Variants in SERGEF observed in about 807,000 individuals in gnomAD.
SERGEF encodes the protein secretion-regulating guanine nucleotide exchange factor.
SERGEF carries 51 observed loss-of-function variants against 50.0 expected under a neutral mutation model. The observed-to-expected ratio is 1.02, with a 90% CI of 0.81 to 1.29. The LOEUF (loss-of-function observed/expected upper bound fraction) is 1.29. Ranked by LOEUF, SERGEF falls within the 50% of genes most tolerant of loss-of-function variation. SERGEF has a pLI of 0.00. For missense variants in SERGEF, 521 were observed against 557.0 expected, an observed-to-expected ratio of 0.94 and a Z score of 0.65; for synonymous variants, 205 against 212.4, an observed-to-expected ratio of 0.97 and a Z score of 0.30.
At chr11:17,885,460 T>G (rs1196489713) in intron 9 of SERGEF, among the ~76,000 whole-genome samples, 2 of 152,004 alleles carry the variant, frequency 1.3e-5, no homozygotes, top group Non-Finnish European at 2.9e-5. Flanking sequence ...TAGCGAGGAC[T>G]ACAGGTACAC....
chr11:17,944,481 T>C (rs1190723146), intron 9 of SERGEF, among the ~76,000 whole-genome samples: 4 of 152,258 alleles, frequency 2.6e-5, no homozygotes, highest in African/African-American at 7.2e-5. Flanking sequence ...TTAGTTGCTA[T>C]GTCTCTTTAG....
intron 10 of SERGEF, among the ~76,000 whole-genome samples, chr11:17,837,807 T>C (rs1477927317): frequency 6.6e-6 from 1 of 151,632 alleles, no homozygotes; most frequent in Non-Finnish European, 1.5e-5. Flanking sequence ...ATCACAGGTG[T>C]GTGCTGCCAC....
At chr11:17,807,482 C>T (rs1410041031) in intron 10 of SERGEF, among the ~76,000 whole-genome samples, 1 of 152,198 alleles carries the variant, frequency 6.6e-6, no homozygotes, top group Non-Finnish European at 1.5e-5. Context: ...GAAGCCAGGC[C>T]CTGGCTGTCT....
chr11:17,873,614 C>T (rs1851187987), intron 10 of SERGEF, among the ~76,000 whole-genome samples: 2 of 151,846 alleles, frequency 1.3e-5, no homozygotes, highest in African/African-American at 4.8e-5. Context: ...AAAAAAAAAT[C>T]CATGCATATA....
rs149368050 is a variant in SERGEF, at chr11:17,914,317, C to T, written c.1012-36073G>A. On this transcript the variant is annotated intron_variant, in intron 9 of 10. Coordinates refer to ENST00000265965, the MANE Select transcript of SERGEF (RefSeq NM_012139.4). ...ACATATTATCAGTACCTGAGGAGCT[C>T]TTACAAAATACTGATGCCTAAGCAT... 2.8e-3 allele frequency among the ~76,000 whole-genome samples: 419 copies of T among 152,326 alleles called. 1 individual carries two copies. Among genetic ancestry groups the T allele is most frequent in the African/African-American group, 9.3e-3 (387 of 41,582 alleles).
intron 8 of SERGEF, among the ~76,000 whole-genome samples, chr11:17,970,086 T>C (rs1853215386): frequency 1.3e-5 from 2 of 152,248 alleles, no homozygotes. Flanking sequence ...AGTATAGGCA[T>C]ACTTCACTTT....
At chr11:17,849,223 G>C (rs2133870426) in intron 10 of SERGEF, among the ~76,000 whole-genome samples, 1 of 152,250 alleles carries the variant, frequency 6.6e-6, no homozygotes, top group East Asian at 1.9e-4. Flanking sequence ...GCCAAGCTGA[G>C]CAAATCTTAC....
rs754824070 is a variant in SERGEF at position 17,844,404 on chromosome 11, C to T, written c.1048+33804G>A. On this transcript the variant is annotated intron_variant, in intron 10 of 10. Transcript: ENST00000265965. ...AAGACTAAAATTATCCATGGATACA[C>T]AGAACAGATATAGGTTTTCATAATT... is the stretch of plus-strand genomic sequence containing the variant. Among the ~76,000 whole-genome samples, 14 of 152,214 alleles carry T rather than the reference C, an allele frequency of 9.2e-5. No homozygotes were observed. In the South Asian group the frequency reaches 1.0e-3, roughly 11 times the overall value.
intron 7 of SERGEF, among the ~76,000 whole-genome samples, chr11:17,990,223 T>G (rs1185392672): frequency 6.6e-6 from 1 of 152,180 alleles, no homozygotes. Context: ...CAGTTCAAGT[T>G]CCATCTGTTA....
intron 10 of SERGEF, among the ~76,000 whole-genome samples, chr11:17,866,590 C>T (rs1343866613): frequency 2.6e-5 from 4 of 152,304 alleles, no homozygotes; most frequent in South Asian, 4.2e-4. Context: ...CTACAACCTC[C>T]GCCTCCCTGG....
intron 9 of SERGEF, among the ~76,000 whole-genome samples, chr11:17,902,475 G>A (rs886607315): frequency 6.6e-6 from 1 of 152,162 alleles, no homozygotes; most frequent in Non-Finnish European, 1.5e-5. Flanking sequence ...GAGTTGGTGA[G>A]TGCAGATGAA....
chr11:17,994,245 C>T (rs571819455), intron 6 of SERGEF, among the ~76,000 whole-genome samples: 8 of 152,044 alleles, frequency 5.3e-5, no homozygotes, highest in East Asian at 1.9e-4. Flanking sequence ...GAGGCCGAGA[C>T]GGGTGGATGA....
intron 10 of SERGEF, among the ~76,000 whole-genome samples, chr11:17,789,867 C>T (rs1342725091): frequency 6.6e-6 from 1 of 152,188 alleles, no homozygotes; most frequent in Non-Finnish European, 1.5e-5. Context: ...TGCCTGTAAT[C>T]CCAGCTACTC....
At chr11:18,007,402 C>A (rs915947773) in intron 2 of SERGEF, among the ~76,000 whole-genome samples, 1 of 152,070 alleles carries the variant, frequency 6.6e-6, no homozygotes, top group Non-Finnish European at 1.5e-5. Context: ...GGCTATTTGC[C>A]CAAGGCCACA....
At chr11:17,881,836 C>A (rs923008076) in intron 9 of SERGEF, among the ~76,000 whole-genome samples, 2 of 152,160 alleles carry the variant, frequency 1.3e-5, no homozygotes, top group African/African-American at 2.4e-5. Flanking sequence ...ATGCACAAAT[C>A]TGACCATGTC....
At chr11:17,893,700 ATGATG>A (rs1160968301) in intron 9 of SERGEF, among the ~76,000 whole-genome samples, 4 of 152,184 alleles carry the variant, frequency 2.6e-5, no homozygotes, top group Non-Finnish European at 5.9e-5. Context: ...CAACTCTCAT[ATGATG>A]TGATGAGTAC....
intron 7 of SERGEF, 78 bp from the exon 8 acceptor site, chr11:17,988,833 A>C: frequency 1.4e-6 from 2 of 1,436,372 alleles, no homozygotes; most frequent in Non-Finnish European, 1.9e-6. Flanking sequence ...AAGTCTAAAA[A>C]ATAAGTGGTT....
chr11:17,797,046 G>A (rs1364035307), intron 10 of SERGEF, among the ~76,000 whole-genome samples: 1 of 152,216 alleles, frequency 6.6e-6, no homozygotes, highest in Non-Finnish European at 1.5e-5. Flanking sequence ...TGGAAAAAGG[G>A]TTTGGGGAAG....
intron 10 of SERGEF, among the ~76,000 whole-genome samples, chr11:17,871,579 G>A (rs572974476): frequency 6.6e-6 from 1 of 151,794 alleles, no homozygotes; most frequent in East Asian, 1.9e-4. Flanking sequence ...ATCACTAAGA[G>A]AAACATAGAC....
Sources: allele counts gnomAD v4.1 joint callset (sites outside exome capture counted in the v4.1 genomes callset), GRCh38; gene constraint gnomAD v4.1.1; transcripts MANE v1.5; gene names NCBI Gene and HGNC (gene_info 2026-07-23, HGNC 2026-07-21).